Variants in NADK2 observed in about 807,000 individuals in gnomAD.
NADK2 encodes the protein NAD kinase 2, mitochondrial.
In NADK2, 35 loss-of-function variants were observed where a neutral mutation model predicts 62.1. The observed-to-expected ratio is 0.56, with a 90% CI of 0.43 to 0.75. NADK2 has a LOEUF of 0.75. NADK2 is among the 30% of genes least tolerant of loss of function. The probability of loss-of-function intolerance (pLI) is 0.00; values close to 1 mark genes in which losing one functional copy is unlikely to be tolerated. For missense variants in NADK2, 439 were observed against 561.3 expected (o/e 0.78, Z 2.20); for synonymous variants, 205 against 207.9 (o/e 0.99, Z 0.12).
At chr5:36,201,712 G>C (rs970875775) in intron 8 of NADK2, among the ~76,000 whole-genome samples, 5 of 151,898 alleles carry the variant, frequency 3.3e-5, no homozygotes, top group Admixed American at 6.6e-5. Context: ...ATAAGTACTA[G>C]AGATATGAAA....
intron 4 of NADK2, among the ~76,000 whole-genome samples, chr5:36,220,628 T>G (rs1364098811): frequency 1.3e-5 from 2 of 152,240 alleles, no homozygotes; most frequent in South Asian, 2.1e-4. Flanking sequence ...TTATATTCAT[T>G]GTAATAGTTC....
intron 1 of NADK2, among the ~76,000 whole-genome samples, chr5:36,239,208 C>T (rs549281453): frequency 1.3e-5 from 2 of 152,288 alleles, no homozygotes; most frequent in East Asian, 1.9e-4. Flanking sequence ...TTTTCTACCC[C>T]AGCAATATAA....
intron 7 of NADK2, among the ~76,000 whole-genome samples, chr5:36,209,874 A>G (rs143679292): frequency 1.0e-3 from 154 of 152,306 alleles, no homozygotes; most frequent in African/African-American, 3.4e-3. Flanking sequence ...TTTTTGTTAA[A>G]TATTACATAA....
At chr5:36,208,556 C>T (rs1746722929) in intron 7 of NADK2, 2 of 1,093,886 alleles carry the variant, frequency 1.8e-6, no homozygotes, top group Non-Finnish European at 2.6e-6. Flanking sequence ...CAAGATTTAT[C>T]AAGATTAGTC....
rs1288897534 is a variant in NADK2 at position 36,193,645 on chromosome 5, T to C, written c.*1499A>G. ...TTTCTATCTGATATGTCATAAATTC[T>C]TTGCTATGAATGTCTACGCAGATAC... is the stretch of plus-strand genomic sequence containing the variant. On this transcript the variant is annotated 3_prime_UTR_variant, in exon 12 of 12. Coordinates refer to ENST00000381937, the MANE Select transcript of NADK2 (RefSeq NM_001085411.3). 1.3e-5 allele frequency: 2 copies of C among 152,200 alleles called. No homozygotes were observed. The highest frequency in any genetic ancestry group is 2.9e-5 in the Non-Finnish European group (2 of 68,018). The allele number at this position is 152,200 out of a possible 1,614,324, so 9.4% of individuals were successfully genotyped here.
intron 1 of NADK2, among the ~76,000 whole-genome samples, chr5:36,230,084 T>C (rs1747650480): frequency 6.6e-6 from 1 of 152,018 alleles, no homozygotes; most frequent in African/African-American, 2.4e-5. Context: ...CTATAGATTA[T>C]TCCGAACACA....
rs925847491 is a variant in NADK2 at position 36,205,809 on chromosome 5, T to C, written c.956+1361A>G. Among the ~76,000 whole-genome samples the C allele has an allele frequency of 2.0e-5, 3 of 152,074 alleles. No individual in the cohort carries two copies. Among genetic ancestry groups the C allele is most frequent in the African/African-American group, 7.2e-5 (3 of 41,418 alleles). ...CATTACTGGGTATATACCCAAAGGATTATAAATCATACTACTATAAAGACA... is the reference window on the plus strand; with the variant it reads ...CATTACTGGGTATATACCCAAAGGACTATAAATCATACTACTATAAAGACA... On this transcript the variant is annotated intron_variant, in intron 8 of 11. Transcript: ENST00000381937. The surrounding 1 kb of genome is among the most constrained non-coding windows in gnomAD (Gnocchi z 4.1).
intron 4 of NADK2, 118 bp from the exon 5 acceptor site, chr5:36,219,797 T>C (rs1394863296): frequency 4.1e-6 from 3 of 735,706 alleles, no homozygotes; most frequent in African/African-American, 3.6e-5. Flanking sequence ...ATTCTAAAAA[T>C]GTCTACCCTA....
In NADK2 at chr5:36,211,903, G is replaced by A. The variant is rs755745204; in HGVS notation, c.801C>T (p.Pro267=). The change falls in exon 7 of 12, where the codon CCC becomes CCT. Residue 267 remains proline (P), a synonymous_variant. Coordinates refer to ENST00000381937, the MANE Select transcript of NADK2 (RefSeq NM_001085411.3). ...TTAGTGCTCTCACTGGCAGAAGTTG[G>A]GGTCCTGAAGCCTCAGACCCTGCAT... ...AHDERSEASG[P]QLLPVRALNE... 2 of 1,613,438 alleles carry A rather than the reference G, an allele frequency of 1.2e-6. No homozygotes were observed. Among genetic ancestry groups the A allele is most frequent in the African/African-American group, 2.7e-5 (2 of 74,884 alleles).
At chr5:36,208,358 A>G (rs1746714805) in intron 7 of NADK2, among the ~76,000 whole-genome samples, 1 of 152,060 alleles carries the variant, frequency 6.6e-6, no homozygotes, top group Non-Finnish European at 1.5e-5. Flanking sequence ...GGAGCCTATT[A>G]TGTACAGACA....
intron 1 of NADK2, among the ~76,000 whole-genome samples, chr5:36,227,834 AT>A (rs895985083): frequency 4.0e-5 from 6 of 148,466 alleles, no homozygotes; most frequent in African/African-American, 9.9e-5. Flanking sequence ...TAAGTTTTTT[AT>A]TTTTTTTATG....
chr5:36,200,228 T>A lies in NADK2; in HGVS notation c.1065A>T (p.Lys355Asn), dbSNP rs1746385016. The A allele has an allele frequency of 6.3e-7, 1 of 1,578,290 alleles. No individual in the cohort carries two copies. Among genetic ancestry groups the A allele is most frequent in the Admixed American group, 1.8e-5 (1 of 55,796 alleles). The stretch of plus-strand genomic sequence containing the variant: ...TGATTATTATCATTTGTCACTGACC[T>A]TTCTCTACCAATTCTCTGTTCAATG... ...SLPLNRELVE[K>N]VTNEYNESLL... Residue 355 changes from lysine (K) to asparagine (N), a missense_variant and splice_region_variant, in exon 10 of 12, where the codon AAA becomes AAT. By Grantham distance (94) the Lys-to-Asn change is moderately conservative. Coordinates refer to ENST00000381937, the MANE Select transcript of NADK2 (RefSeq NM_001085411.3).
chr5:36,207,586 C>T (rs562658172), intron 7 of NADK2, among the ~76,000 whole-genome samples: 1 of 152,128 alleles, frequency 6.6e-6, no homozygotes, highest in African/African-American at 2.4e-5. Context: ...CTAACATATA[C>T]AGAGCCTCAT....
At position 36,208,051 on chromosome 5, in the gene NADK2, A is replaced by T. The variant is rs1746704414; in HGVS notation, c.861-786T>A. Among the ~76,000 whole-genome samples, 2 of 152,088 alleles carry T rather than the reference A, an allele frequency of 1.3e-5. 1 individual carries two copies. Among genetic ancestry groups the T allele is most frequent in the South Asian group, 4.1e-4 (2 of 4,830 alleles). ...ATAATGGTGTCACTGATCAACACTGAATTTTTTTCTCCAGCAAATAAAAAA... is the reference window on the plus strand; with the variant it reads ...ATAATGGTGTCACTGATCAACACTGTATTTTTTTCTCCAGCAAATAAAAAA... On this transcript the variant is annotated intron_variant, in intron 7 of 11. Coordinates refer to ENST00000381937, the MANE Select transcript of NADK2 (RefSeq NM_001085411.3).
chr5:36,219,749 T>G (rs1747194392), intron 4 of NADK2, 70 bp from the exon 5 acceptor site: 2 of 1,090,210 alleles, frequency 1.8e-6, no homozygotes, highest in African/African-American at 1.6e-5. Context: ...AAAAATTTAA[T>G]CAAAAGGTAT....
At chr5:36,225,727 T>G (rs1049808784) in intron 3 of NADK2, 104 bp from the exon 4 acceptor site, 3 of 880,052 alleles carry the variant, frequency 3.4e-6, no homozygotes, top group Admixed American at 3.9e-5. Flanking sequence ...TACCCCACCC[T>G]GCTAACCGCT....
intron 3 of NADK2, among the ~76,000 whole-genome samples, chr5:36,226,248 G>A (rs10512640): frequency 0.42 from 63,447 of 151,966 alleles, 16,001 homozygotes; most frequent in Non-Finnish European, 0.58. Flanking sequence ...CATATTTGAA[G>A]TTAAATGCAT....
chr5:36,217,710 A>G (rs900006808), intron 6 of NADK2, 38 bp downstream of exon 6: 1 of 1,612,206 alleles, frequency 6.2e-7, no homozygotes, highest in Non-Finnish European at 8.5e-7. Flanking sequence ...TATGAGTTAA[A>G]TATTTCCCCA....
Position 36,207,265 on chromosome 5 carries a change from C to T in NADK2, c.861G>A (p.Arg287=), listed in dbSNP as rs1370698277. 2 of 1,608,168 alleles carry T rather than the reference C, an allele frequency of 1.2e-6. No homozygotes were observed. Among genetic ancestry groups the T allele is most frequent in the African/African-American group, 1.3e-5 (1 of 74,636 alleles). The change falls in exon 8 of 12, where the codon AGG becomes AGA. Residue 287 remains arginine, a splice_region_variant and synonymous_variant. Transcript: ENST00000381937. ...CAACTGAAATCTCATAGTAGGAAGC[C>T]CTGTGAATTGAGAATATAAAACTGT... ...EVFIGESLSS[R]ASYYEISVDD...
Sources: gnomAD v4.1 joint callset for allele counts (sites outside exome capture counted in the v4.1 genomes callset) on GRCh38, gnomAD v4.1.1 for gene constraint, Gnocchi (gnomAD v3.1) non-coding constraint, MANE v1.5 for transcripts, NCBI Gene and HGNC (gene_info 2026-07-23, HGNC 2026-07-21) for gene names.